Variants in HSPA12A observed in about 807,000 individuals in gnomAD.
The protein encoded by HSPA12A is heat shock 70 kDa protein 12A.
In HSPA12A, 28 loss-of-function variants were observed where a neutral mutation model predicts 69.2. The observed-to-expected ratio is 0.40, with a 90% CI of 0.30 to 0.55. HSPA12A has a LOEUF of 0.55. HSPA12A is among the 20% of genes least tolerant of loss of function. The probability of loss-of-function intolerance (pLI) is 0.38; values close to 1 mark genes in which losing one functional copy is unlikely to be tolerated. For missense variants in HSPA12A, 686 were observed against 900.7 expected, an observed-to-expected ratio of 0.76 and a Z score of 3.05; for synonymous variants, 345 against 370.5, an observed-to-expected ratio of 0.93 and a Z score of 0.79.
At chr10:116,804,051 T>A (rs1038465281) in intron 2 of HSPA12A, among the ~76,000 whole-genome samples, 3 of 152,148 alleles carry the variant, frequency 2.0e-5, no homozygotes, top group Non-Finnish European at 4.4e-5. Context: ...ACGCACTGTC[T>A]TGCAACGGCC....
At chr10:116,726,027 G>GCACACACACACA (rs71013613) in intron 1 of HSPA12A, among the ~76,000 whole-genome samples, 28,969 of 145,726 alleles carry the variant, frequency 0.2, 3,313 homozygotes, top group Middle Eastern at 0.33. Context: ...ACACACACAC[G>GCACACACACACA]CACACACACA....
intron 2 of HSPA12A, among the ~76,000 whole-genome samples, chr10:116,811,033 G>C (rs1306584224): frequency 6.6e-6 from 1 of 152,164 alleles, no homozygotes; most frequent in African/African-American, 2.4e-5. Context: ...AAACCATAGG[G>C]ATAAGATTAA....
chr10:116,678,165 C>A (rs1849293391), intron 10 of HSPA12A, among the ~76,000 whole-genome samples: 1 of 151,534 alleles, frequency 6.6e-6, no homozygotes, highest in African/African-American at 2.4e-5. Context: ...ATGGAGCCAC[C>A]CCTAATGCAT....
intron 1 of HSPA12A, among the ~76,000 whole-genome samples, chr10:116,732,177 AAAATTAGCTGGG>A (rs1851171957): frequency 6.6e-6 from 1 of 151,898 alleles, no homozygotes; most frequent in South Asian, 2.1e-4. Flanking sequence ...CTAAAACTAC[AAAATTAGCTGGG>A]TGTGGTGGTG....
intron 1 of HSPA12A, among the ~76,000 whole-genome samples, chr10:116,837,162 G>A (rs1198769509): frequency 1.3e-5 from 2 of 152,182 alleles, no homozygotes; most frequent in Non-Finnish European, 2.9e-5. Flanking sequence ...CCAATGTGAA[G>A]GAGTAATTTA....
At chr10:116,734,866 A>C (rs1216558326) in intron 1 of HSPA12A, among the ~76,000 whole-genome samples, 1 of 151,442 alleles carries the variant, frequency 6.6e-6, no homozygotes, top group Non-Finnish European at 1.5e-5. Context: ...GTGGTGGGCG[A>C]GTGTAGTCCC....
chr10:116,769,703 G>A (rs369138537), intron 2 of HSPA12A, among the ~76,000 whole-genome samples: 1 of 152,196 alleles, frequency 6.6e-6, no homozygotes, highest in Admixed American at 6.5e-5. Flanking sequence ...CAATAAATTA[G>A]AGCAAAACAG....
rs545216121 is a variant in HSPA12A at position 116,673,599 on chromosome 10, A to G, written c.*1182T>C. On this transcript the variant is annotated 3_prime_UTR_variant, in exon 12 of 12. Coordinates refer to ENST00000369209, the MANE Select transcript of HSPA12A (RefSeq NM_025015.3). ...AGTTAAAAAGGGCTCAGATCCAGGA[A>G]CCTGTTCTGAACACGCACCCAGGCA... is the stretch of plus-strand genomic sequence containing the variant. The G allele has an allele frequency of 6.6e-6, 1 of 152,244 alleles. No individual in the cohort carries two copies. The highest frequency in any genetic ancestry group is 1.9e-4 in the East Asian group (1 of 5,162). 9.4% of individuals were successfully genotyped at this position (152,244 alleles called of 1,614,324 possible). A position where few individuals can be genotyped will look rare whatever the true frequency, so the allele number is the denominator to read the frequency against.
intron 2 of HSPA12A, among the ~76,000 whole-genome samples, chr10:116,790,049 A>G (rs1402098218): frequency 2.1e-5 from 3 of 145,536 alleles, no homozygotes; most frequent in Admixed American, 6.9e-5. Context: ...AGGTCCTCCC[A>G]TGGCCCAGGA....
At chr10:116,790,510 C>G (rs10886012) in intron 2 of HSPA12A, among the ~76,000 whole-genome samples, 65,668 of 151,314 alleles carry the variant, frequency 0.43, 14,376 homozygotes, top group Admixed American at 0.52. Flanking sequence ...AACATCCAGC[C>G]CCAGGGCCTT....
chr10:116,705,300 T>C (rs782433467), intron 2 of HSPA12A, 22 bp from the exon 3 acceptor site: 9 of 1,613,506 alleles, frequency 5.6e-6, no homozygotes, highest in South Asian at 2.2e-5. Context: ...CAGTGAGGCA[T>C]GGGGGGTGTG....
intron 2 of HSPA12A, among the ~76,000 whole-genome samples, chr10:116,775,474 C>A (rs550952714): frequency 1.3e-5 from 2 of 152,266 alleles, no homozygotes; most frequent in South Asian, 4.1e-4. Flanking sequence ...AATGTATTTT[C>A]TAGAAACAGG....
At position 116,692,361 on chromosome 10, in the gene HSPA12A, G is replaced by A. The variant is rs1849762072; in HGVS notation, c.653C>T (p.Ala218Val). 4 of 1,613,500 alleles carry A rather than the reference G, an allele frequency of 2.5e-6. No individual in the cohort carries two copies. Among genetic ancestry groups the A allele is most frequent in the Non-Finnish European group, 3.4e-6 (4 of 1,179,552 alleles). ...TGACTCTACCCTCACCTGGTAGGCAGCTTGTCTCATGAACTGCTTGGCCGG... is the reference window on the plus strand; with the variant it reads ...TGACTCTACCCTCACCTGGTAGGCAACTTGTCTCATGAACTGCTTGGCCGG... ...KQPAKQFMRQ[A>V]AYQAGLASPE... The change falls in exon 6 of 12, where the codon GCT becomes GTT. Residue 218 changes from alanine (A) to valine (V), a missense_variant. By Grantham distance (64) the Ala-to-Val change is moderately conservative (BLOSUM62 0). Transcript: ENST00000369209.
At chr10:116,713,341 G>C (rs1850503022) in intron 1 of HSPA12A, among the ~76,000 whole-genome samples, 1 of 152,076 alleles carries the variant, frequency 6.6e-6, no homozygotes, top group Admixed American at 6.5e-5. Flanking sequence ...AGAGTAAATG[G>C]AAATTTTATT....
chr10:116,843,818 G>T (rs1157083943), intron 1 of HSPA12A, among the ~76,000 whole-genome samples: 3 of 152,080 alleles, frequency 2.0e-5, no homozygotes. Context: ...TCTGGGATAG[G>T]GCCCAATCAC....
At chr10:116,788,327 C>T (rs1002209138) in intron 2 of HSPA12A, among the ~76,000 whole-genome samples, 2 of 152,294 alleles carry the variant, frequency 1.3e-5, no homozygotes, top group African/African-American at 4.8e-5. Context: ...AAAAAAGTAC[C>T]ATTTAATACC....
At chr10:116,790,030 A>G (rs764274486) in intron 2 of HSPA12A, among the ~76,000 whole-genome samples, 1 of 151,602 alleles carries the variant, frequency 6.6e-6, no homozygotes, top group Non-Finnish European at 1.5e-5. Context: ...CACACTGGAA[A>G]TCAATCCAAG....
intron 1 of HSPA12A, among the ~76,000 whole-genome samples, chr10:116,729,415 T>G (rs1303911421): frequency 6.6e-6 from 1 of 152,166 alleles, no homozygotes. Context: ...TACTCTGCAC[T>G]GACATGGTGG....
At chr10:116,705,897 T>C (rs1320690631) in intron 2 of HSPA12A, among the ~76,000 whole-genome samples, 1 of 147,410 alleles carries the variant, frequency 6.8e-6, no homozygotes, top group African/African-American at 2.5e-5. Flanking sequence ...TCTCTCCTTT[T>C]TTTTTTTTTT....
Sources: gnomAD v4.1 joint callset for allele counts (sites outside exome capture counted in the v4.1 genomes callset) on GRCh38, gnomAD v4.1.1 for gene constraint, MANE v1.5 for transcripts, NCBI Gene and HGNC (gene_info 2026-07-23, HGNC 2026-07-21) for gene names.